The following COA1 variants were observed in gnomAD, a reference collection of about 807,000 sequenced individuals.
The protein encoded by COA1 is cytochrome c oxidase assembly factor 1, also known as cytochrome c oxidase assembly factor 1 homolog.
COA1 carries 13 observed loss-of-function variants against 16.0 expected under a neutral mutation model. The ratio of observed to expected loss-of-function variants is 0.81; its 90% CI spans 0.53 to 1.29. The LOEUF is 1.29. COA1 is among the 50% of genes most tolerant of loss of function. COA1 has a pLI of 0.00. For missense variants in COA1, 179 were observed against 177.0 expected, an observed-to-expected ratio of 1.01 and a Z score of -0.06; for synonymous variants, 65 against 65.7, an observed-to-expected ratio of 0.99 and a Z score of 0.05.
chr7:43,675,217 G>A (rs1451494747), intron 1 of COA1, among the ~76,000 whole-genome samples: 1 of 152,236 alleles, frequency 6.6e-6, no homozygotes, highest in East Asian at 1.9e-4. Context: ...TTAAGAAAAT[G>A]TGGCACATAT....
intron 1 of COA1, among the ~76,000 whole-genome samples, chr7:43,656,887 A>C (rs979396975): frequency 2.6e-5 from 4 of 152,100 alleles, no homozygotes; most frequent in Non-Finnish European, 4.4e-5. Flanking sequence ...AGTTTTAGCA[A>C]ATCCAGCTAA....
At chr7:43,629,989 G>A (rs1221357007) in intron 6 of COA1, among the ~76,000 whole-genome samples, 2 of 152,166 alleles carry the variant, frequency 1.3e-5, no homozygotes, top group African/African-American at 2.4e-5. Context: ...CTAGTGCAGA[G>A]GTCAGCATAC....
intron 1 of COA1, among the ~76,000 whole-genome samples, chr7:43,653,882 G>A (rs889784987): frequency 4.6e-5 from 7 of 152,130 alleles, no homozygotes; most frequent in Non-Finnish European, 8.8e-5. Flanking sequence ...GTAAAATGAC[G>A]GAAGATGCCA....
At chr7:43,634,083 A>G (rs76723869) in intron 6 of COA1, among the ~76,000 whole-genome samples, 1,881 of 151,584 alleles carry the variant, frequency 0.012, 32 homozygotes, top group African/African-American at 0.044. Context: ...TATTTTTTTC[A>G]TTTATTCCAA....
intron 1 of COA1, among the ~76,000 whole-genome samples, chr7:43,681,935 C>T (rs2093786000): frequency 6.6e-6 from 1 of 152,132 alleles, no homozygotes; most frequent in South Asian, 2.1e-4. Flanking sequence ...ATCCTAACAC[C>T]TTCTTTTCAT....
chr7:43,640,880 G>A, intron 4 of COA1: 1 of 466,270 alleles, frequency 2.1e-6, no homozygotes, highest in Non-Finnish European at 3.8e-6. Context: ...TGGCAAGGAG[G>A]ACTCCTATGT....
At chr7:43,656,874 TC>T (rs1345748329) in intron 1 of COA1, among the ~76,000 whole-genome samples, 2 of 151,662 alleles carry the variant, frequency 1.3e-5, no homozygotes, top group African/African-American at 4.8e-5. Flanking sequence ...CAGATCGCTT[TC>T]CAGTTTTAGC....
At chr7:43,631,681 AG>A (rs1341481287) in intron 6 of COA1, 2 of 152,096 alleles carry the variant, frequency 1.3e-5, no homozygotes, top group African/African-American at 2.4e-5. Flanking sequence ...TTCTGTCTTT[AG>A]TTTTCAGAAG....
rs759054405 is a variant in COA1, at chr7:43,624,473, T to C, written c.*133+14976A>G. On this transcript the variant is annotated intron_variant and NMD_transcript_variant, in intron 6 of 6. Coordinates refer to the COA1 transcript ENST00000415076. The stretch of plus-strand genomic sequence containing the variant: ...ACAGTACCTTATGCTCTAATTTTAA[T>C]TGAAGTTCTAACATGTCTTAACTGT... 7 of 1,534,704 alleles carry C rather than the reference T, an allele frequency of 4.6e-6. No individual in the cohort carries two copies. In the African/African-American group the frequency reaches 5.6e-5, roughly 12 times the overall value.
intron 1 of COA1, among the ~76,000 whole-genome samples, chr7:43,719,258 A>G (rs67263740): frequency 0.15 from 22,298 of 152,104 alleles, 2,151 homozygotes; most frequent in Non-Finnish European, 0.21. Context: ...ATGAGCCACC[A>G]CACCTGGCCA....
At chr7:43,665,016 C>T (rs1336799241) in intron 1 of COA1, among the ~76,000 whole-genome samples, 5 of 152,060 alleles carry the variant, frequency 3.3e-5, no homozygotes, top group African/African-American at 1.2e-4. Flanking sequence ...GTGAATTGCT[C>T]ATTTCAAAAT....
chr7:43,722,282 A>G (rs2095522814), intron 1 of COA1, among the ~76,000 whole-genome samples: 2 of 151,986 alleles, frequency 1.3e-5, no homozygotes, highest in Admixed American at 6.6e-5. Context: ...TAGTAGAGAG[A>G]TGGGGTTTCG....
chr7:43,722,937 C>A (rs906416561), intron 1 of COA1, among the ~76,000 whole-genome samples: 1 of 152,126 alleles, frequency 6.6e-6, no homozygotes, highest in African/African-American at 2.4e-5. Context: ...TAAAAGATCA[C>A]CAGAGTCCAA....
intron 3 of COA1, chr7:43,647,129 G>T (rs905538939): frequency 2.4e-5 from 5 of 207,820 alleles, no homozygotes; most frequent in African/African-American, 1.2e-4. Flanking sequence ...TAAATCAACA[G>T]CAGAGAATGA....
intron 1 of COA1, among the ~76,000 whole-genome samples, chr7:43,691,478 A>ATT: frequency 7.2e-6 from 1 of 138,458 alleles, no homozygotes; most frequent in Non-Finnish European, 1.5e-5. Flanking sequence ...AGAAAGAAAG[A>ATT]AATTATCATC....
At chr7:43,717,444 T>C (rs948241798) in intron 1 of COA1, among the ~76,000 whole-genome samples, 1 of 152,166 alleles carries the variant, frequency 6.6e-6, no homozygotes, top group Non-Finnish European at 1.5e-5. Flanking sequence ...TGAAACCCCT[T>C]TGTTTTGGCC....
intron 1 of COA1, among the ~76,000 whole-genome samples, chr7:43,698,758 C>T (rs1006443890): frequency 2.6e-5 from 4 of 152,164 alleles, no homozygotes; most frequent in African/African-American, 9.7e-5. Context: ...TTTTAAAGGA[C>T]ACTAAGCTAA....
chr7:43,714,606 G>A (rs200591498), intron 1 of COA1, among the ~76,000 whole-genome samples: 1 of 151,208 alleles, frequency 6.6e-6, no homozygotes, highest in East Asian at 1.9e-4. Context: ...TCCAGCCTGG[G>A]CTACAAGAGC....
intron 6 of COA1, among the ~76,000 whole-genome samples, chr7:43,624,185 C>T (rs1186406996): frequency 1.3e-5 from 2 of 152,074 alleles, no homozygotes; most frequent in South Asian, 2.1e-4. Context: ...TGTGTCATGG[C>T]AGTAAATAGC....
Sources: gnomAD v4.1 joint callset for allele counts (sites outside exome capture counted in the v4.1 genomes callset) on GRCh38, gnomAD v4.1.1 for gene constraint, MANE v1.5 for transcripts, NCBI Gene and HGNC (gene_info 2026-07-23, HGNC 2026-07-21) for gene names.